LAMA2: variants seen among roughly 807,000 people sequenced by gnomAD.
LAMA2 encodes laminin subunit alpha 2.
In LAMA2, 269 loss-of-function variants were observed where a neutral mutation model predicts 364.8. That is an observed-to-expected ratio of 0.74 (90% confidence interval 0.67 to 0.82). LAMA2 has a LOEUF of 0.82. Among genes scored for constraint, LAMA2 ranks in the 40% least tolerant of loss-of-function variants. The pLI, the probability that LAMA2 is intolerant of heterozygous loss-of-function variation, is 0.00. For synonymous variants in LAMA2, 1,379 were observed against 1,370.6 expected, an observed-to-expected ratio of 1.01 and a Z score of -0.14; for missense variants, 3,807 against 3,873.2, an observed-to-expected ratio of 0.98 and a Z score of 0.45.
intron 1 of LAMA2, among the ~76,000 whole-genome samples, chr6:129,043,848 T>G (rs1324184633): frequency 6.6e-6 from 1 of 152,110 alleles, no homozygotes; most frequent in Non-Finnish European, 1.5e-5. Flanking sequence ...TCCTGTAGAG[T>G]GCAGAACCTA....
Position 129,270,638 on chromosome 6 carries a change from C to T in LAMA2, c.2337C>T (p.His779=), listed in dbSNP as rs1787863635. ...VTGECLNCKD[H]TGGPYCDKCL... ...TTCTTTCTCAGAACTGTAAGGATCACACAGGTGGCCCATATTGTGATAAAT... is the reference window on the plus strand; with the variant it reads ...TTCTTTCTCAGAACTGTAAGGATCATACAGGTGGCCCATATTGTGATAAAT... The change falls in exon 17 of 65, where the codon CAC becomes CAT. Residue 779 remains histidine (H), a synonymous_variant. Transcript: ENST00000421865. 2 of 1,613,056 alleles carry T rather than the reference C, an allele frequency of 1.2e-6. No homozygotes were observed. The highest frequency in any genetic ancestry group is 1.7e-6 in the Non-Finnish European group (2 of 1,179,376).
At chr6:129,194,210 TAA>T (rs535555128) in intron 12 of LAMA2, among the ~76,000 whole-genome samples, 2 of 148,272 alleles carry the variant, frequency 1.3e-5, no homozygotes, top group Non-Finnish European at 3.0e-5. Flanking sequence ...ACTGTCAATT[TAA>T]AAAAAAAACA....
chr6:129,480,353 A>G (rs1784285549), intron 54 of LAMA2, among the ~76,000 whole-genome samples: 1 of 152,162 alleles, frequency 6.6e-6, no homozygotes. Context: ...TCCTAACTAC[A>G]TGGGCTTGCT....
chr6:129,292,539 T>G lies in LAMA2; in HGVS notation c.2856+819T>G, dbSNP rs141523464. ...ATTCAATTAAAATACAGCATGTTGT[T>G]CTCAGTCCCTGAACATACCGATTGC... On this transcript the variant is annotated intron_variant, in intron 20 of 64. Transcript: ENST00000421865. 1.1e-4 allele frequency among the ~76,000 whole-genome samples: 17 copies of G among 152,358 alleles called. No homozygotes were observed. The East Asian group carries it at 2.9e-3, about 26-fold the overall frequency.
chr6:129,052,547 C>G (rs976109958), intron 2 of LAMA2, among the ~76,000 whole-genome samples: 4 of 152,020 alleles, frequency 2.6e-5, no homozygotes, highest in African/African-American at 4.8e-5. Context: ...TTCCCCCGCC[C>G]CAACACATGC....
At chr6:129,422,121 C>G (rs1476517992) in intron 40 of LAMA2, among the ~76,000 whole-genome samples, 1 of 152,202 alleles carries the variant, frequency 6.6e-6, no homozygotes, top group Non-Finnish European at 1.5e-5. Context: ...CTGAAATACT[C>G]GCTCTCACAT....
At chr6:129,104,700 T>A (rs919641483) in intron 4 of LAMA2, among the ~76,000 whole-genome samples, 2 of 152,180 alleles carry the variant, frequency 1.3e-5, no homozygotes, top group Non-Finnish European at 2.9e-5. Context: ...ATCTCTGATG[T>A]TTTATTTGGC....
At chr6:129,112,716 A>G (rs1776228907) in intron 4 of LAMA2, among the ~76,000 whole-genome samples, 1 of 150,994 alleles carries the variant, frequency 6.6e-6, no homozygotes, top group Non-Finnish European at 1.5e-5. Context: ...TGGTTACAAG[A>G]TTACAGAGAG....
chr6:129,303,362 A>C (rs1773667245), intron 22 of LAMA2, among the ~76,000 whole-genome samples: 1 of 152,180 alleles, frequency 6.6e-6, no homozygotes, highest in Non-Finnish European at 1.5e-5. Context: ...TTTCTTGTAG[A>C]TAATCATGTC....
intron 4 of LAMA2, among the ~76,000 whole-genome samples, chr6:129,129,462 A>G (rs1777317775): frequency 1.3e-5 from 2 of 152,208 alleles, no homozygotes; most frequent in Non-Finnish European, 2.9e-5. Flanking sequence ...GATGATGTTT[A>G]TGCCATAAGA....
chr6:128,996,128 C>T (rs1783925373), intron 1 of LAMA2, among the ~76,000 whole-genome samples: 1 of 152,146 alleles, frequency 6.6e-6, no homozygotes, highest in African/African-American at 2.4e-5. Context: ...CAAGGTGACA[C>T]AACAGAAAGT....
intron 12 of LAMA2, among the ~76,000 whole-genome samples, chr6:129,238,875 C>T (rs1785201502): frequency 6.6e-6 from 1 of 151,996 alleles, no homozygotes; most frequent in Non-Finnish European, 1.5e-5. Flanking sequence ...AATTGGGTCT[C>T]CTTATTTTTT....
chr6:129,175,779 G>A (rs1780546316), intron 9 of LAMA2, among the ~76,000 whole-genome samples: 2 of 151,984 alleles, frequency 1.3e-5, no homozygotes, highest in Non-Finnish European at 1.5e-5. Flanking sequence ...ACCATGGCAC[G>A]TGCATACCTA....
intron 34 of LAMA2, among the ~76,000 whole-genome samples, chr6:129,380,994 G>T (rs1778653021): frequency 6.6e-6 from 1 of 152,162 alleles, no homozygotes; most frequent in African/African-American, 2.4e-5. Context: ...GACAGTGTAT[G>T]ATATACATTT....
At chr6:129,155,489 C>T (rs1012472786) in intron 8 of LAMA2, among the ~76,000 whole-genome samples, 1 of 151,900 alleles carries the variant, frequency 6.6e-6, no homozygotes, top group Non-Finnish European at 1.5e-5. Flanking sequence ...GCTTATTGAC[C>T]ATTCCTGTAT....
At chr6:129,337,415 A>G (rs555619334) in intron 29 of LAMA2, among the ~76,000 whole-genome samples, 211 of 152,298 alleles carry the variant, frequency 1.4e-3, no homozygotes, top group Non-Finnish European at 2.6e-3. Flanking sequence ...ATATTTGAGG[A>G]CCTTCCCTAG....
chr6:129,497,827 C>T (rs547573752), intron 58 of LAMA2, among the ~76,000 whole-genome samples: 25 of 152,314 alleles, frequency 1.6e-4, no homozygotes, highest in African/African-American at 4.8e-4. Context: ...ATGTTGAACA[C>T]GCTAGATTAA....
rs1781954000 is a variant in LAMA2 at position 129,438,703 on chromosome 6, A to G, written c.6026A>G (p.Asn2009Ser). The change falls in exon 42 of 65, where the codon AAT (asparagine) becomes AGT (serine). Residue 2009 changes from asparagine (N) to serine (S), a missense_variant. Coordinates refer to ENST00000421865, the MANE Select transcript of LAMA2 (RefSeq NM_000426.4). ...AGGATAGAAAATGCTGATGCTAGAA[A>G]TGGGGATCTCTTGAGAACTTTGAAT... ...KTRIENADAR[N>S]GDLLRTLNDT... The G allele has an allele frequency of 4.3e-6, 7 of 1,610,422 alleles. No homozygotes were observed. The highest frequency in any genetic ancestry group is 1.7e-5 in the Admixed American group (1 of 59,908).
At chr6:129,369,442 G>T (rs1362145279) in intron 33 of LAMA2, among the ~76,000 whole-genome samples, 2 of 152,204 alleles carry the variant, frequency 1.3e-5, no homozygotes, top group East Asian at 3.9e-4. Context: ...CTATGTTAAG[G>T]CCTGCCGTTC....
Sources: gnomAD v4.1 joint callset for allele counts (sites outside exome capture counted in the v4.1 genomes callset) on GRCh38, gnomAD v4.1.1 for gene constraint, MANE v1.5 for transcripts, NCBI Gene and HGNC (gene_info 2026-07-23, HGNC 2026-07-21) for gene names.